Variants in ULK2 observed in about 807,000 individuals in gnomAD.
ULK2 encodes the protein serine/threonine-protein kinase ULK2.
ULK2 carries 76 observed loss-of-function variants against 127.5 expected under a neutral mutation model. The observed-to-expected ratio is 0.60, with a 90% CI of 0.50 to 0.72. The LOEUF (loss-of-function observed/expected upper bound fraction) is 0.72. Among genes scored for constraint, ULK2 ranks in the 30% least tolerant of loss-of-function variants. The pLI, the probability that ULK2 is intolerant of heterozygous loss-of-function variation, is 0.00. For missense variants in ULK2, 1,144 were observed against 1,295.9 expected (o/e 0.88, Z 1.80); for synonymous variants, 452 against 461.9 (o/e 0.98, Z 0.28).
chr17:19,795,690 C>T lies in ULK2; in HGVS notation c.2033G>A (p.Gly678Glu). Residue 678 changes from glycine to glutamate, a missense_variant, in exon 20 of 27, where the codon GGA becomes GAA. Transcript: ENST00000395544. ...VSTGKLSDQQGKTPICRHQGS... is the reference protein window; with the variant it reads ...VSTGKLSDQQEKTPICRHQGS... Reference sequence around the variant, plus strand: ...CTGATGTCGACATATAGGAGTCTTTCCTTGTTGATCTGATAACTTCCCGGT... The same window carrying T: ...CTGATGTCGACATATAGGAGTCTTTTCTTGTTGATCTGATAACTTCCCGGT... 3 of 1,614,036 alleles carry T rather than the reference C, an allele frequency of 1.9e-6. No individual in the cohort carries two copies. The highest frequency in any genetic ancestry group is 2.5e-6 in the Non-Finnish European group (3 of 1,179,994).
intron 3 of ULK2, among the ~76,000 whole-genome samples, chr17:19,857,157 T>C (rs2042151284): frequency 6.6e-6 from 1 of 150,586 alleles, no homozygotes; most frequent in Non-Finnish European, 1.5e-5. Context: ...AATACAGACA[T>C]TAGCCAGGTG....
At chr17:19,795,595 C>T in intron 20 of ULK2, 27 bp downstream of exon 20, 3 of 1,585,698 alleles carry the variant, frequency 1.9e-6, no homozygotes, top group Non-Finnish European at 2.6e-6. Flanking sequence ...AAATTACCTG[C>T]CTAAAAAGAA....
At chr17:19,856,015 C>G (rs1206972811) in intron 3 of ULK2, 1 of 152,092 alleles carries the variant, frequency 6.6e-6, no homozygotes, top group Non-Finnish European at 1.5e-5. Context: ...AGAGTAAGAC[C>G]TCATTTCTAA....
intron 22 of ULK2, among the ~76,000 whole-genome samples, chr17:19,782,330 C>T (rs905157294): frequency 6.6e-6 from 1 of 151,892 alleles, no homozygotes; most frequent in East Asian, 1.9e-4. Flanking sequence ...TGTGCTTTTA[C>T]CAGAAAAAGA....
At chr17:19,852,430 A>T (rs1449409049) in intron 3 of ULK2, among the ~76,000 whole-genome samples, 1 of 148,658 alleles carries the variant, frequency 6.7e-6, no homozygotes, top group Non-Finnish European at 1.5e-5. Context: ...CTGAGGCAGG[A>T]GAATAGTGTG....
intron 6 of ULK2, among the ~76,000 whole-genome samples, 188 bp from the exon 7 acceptor site, chr17:19,845,565 G>A (rs112826484): frequency 8.1e-4 from 123 of 152,230 alleles, no homozygotes; most frequent in African/African-American, 2.7e-3. Flanking sequence ...AGTAGTAATC[G>A]TCAACTGTAC....
chr17:19,838,550 A>G lies in ULK2; in HGVS notation c.738T>C (p.Asn246=), dbSNP rs2041654653. 6.2e-7 allele frequency: 1 copy of G among 1,613,288 alleles called. No individual in the cohort carries two copies. The change falls in exon 10 of 27, where the codon AAT becomes AAC. Residue 246 remains asparagine (N), a synonymous_variant. Coordinates refer to ENST00000395544, the MANE Select transcript of ULK2 (RefSeq NM_014683.4). The stretch of plus-strand genomic sequence containing the variant: ...TTCTCTGAAGCAAACCCAAAAGGAG[A>G]TTAGCCAAATAAGGTGATGTTTCTC... ...IPRETSPYLA[N]LLLGLLQRNQ...
intron 26 of ULK2, among the ~76,000 whole-genome samples, chr17:19,777,292 A>G (rs2086829311): frequency 6.6e-6 from 1 of 152,170 alleles, no homozygotes; most frequent in Admixed American, 6.5e-5. Flanking sequence ...TTTAATAAAG[A>G]CGGGGTTTCG....
chr17:19,792,735 AAAAC>A (rs2087182539), intron 20 of ULK2, among the ~76,000 whole-genome samples: 1 of 151,516 alleles, frequency 6.6e-6, no homozygotes, highest in Admixed American at 6.6e-5. Flanking sequence ...AAAACACAAA[AAAAC>A]AAACAAAAAA....
chr17:19,850,774 G>A lies in ULK2; in HGVS notation c.226-1000C>T, dbSNP rs148511024. On this transcript the variant is annotated intron_variant, in intron 3 of 26. Coordinates refer to ENST00000395544, the MANE Select transcript of ULK2 (RefSeq NM_014683.4). ...TGGGAGGCGGAGCTTGCAGTGAGCCGAGATCATCGAGATCATGCCATTGCA... is the reference window on the plus strand; with the variant it reads ...TGGGAGGCGGAGCTTGCAGTGAGCCAAGATCATCGAGATCATGCCATTGCA... 5.9e-3 allele frequency among the ~76,000 whole-genome samples: 889 copies of A among 151,902 alleles called. 16 individuals are homozygous for A. Among genetic ancestry groups the A allele is most frequent in the African/African-American group, 0.019 (769 of 41,434 alleles).
intron 10 of ULK2, among the ~76,000 whole-genome samples, chr17:19,837,090 C>T (rs995215252): frequency 6.7e-6 from 1 of 149,900 alleles, no homozygotes; most frequent in Non-Finnish European, 1.5e-5. Flanking sequence ...GGCCTTTTCT[C>T]TAATAAAAGA....
intron 14 of ULK2, among the ~76,000 whole-genome samples, chr17:19,807,338 A>G (rs157406): frequency 0.9 from 137,262 of 152,104 alleles, 62,540 homozygotes; most frequent in Non-Finnish European, 0.97. Flanking sequence ...GGAAGCAATC[A>G]GAAGGGTAGA....
chr17:19,815,737 G>C (rs1400839335), intron 13 of ULK2, among the ~76,000 whole-genome samples: 1 of 151,780 alleles, frequency 6.6e-6, no homozygotes, highest in Non-Finnish European at 1.5e-5. Context: ...AATTACTTTT[G>C]GTAAATAAAT....
intron 6 of ULK2, among the ~76,000 whole-genome samples, chr17:19,846,020 G>A (rs1305261067): frequency 6.6e-6 from 1 of 152,138 alleles, no homozygotes; most frequent in Admixed American, 6.5e-5. Flanking sequence ...CAGCTACTTG[G>A]GAGGCTGAGG....
intron 10 of ULK2, among the ~76,000 whole-genome samples, chr17:19,830,870 T>C (rs974156877): frequency 2.6e-5 from 4 of 151,800 alleles, no homozygotes; most frequent in Non-Finnish European, 5.9e-5. Context: ...CTACTAAAAA[T>C]ACAAAAATTA....
At chr17:19,795,844 G>A (rs897932977) in intron 19 of ULK2, 119 bp from the exon 20 acceptor site, 3 of 1,017,460 alleles carry the variant, frequency 2.9e-6, no homozygotes, top group African/African-American at 3.2e-5. Flanking sequence ...TCAGGGTAGA[G>A]ATAAACTTCA....
intron 3 of ULK2, among the ~76,000 whole-genome samples, chr17:19,851,101 TAA>T (rs2042004075): frequency 2.0e-5 from 3 of 146,846 alleles, no homozygotes; most frequent in Admixed American, 6.9e-5. Context: ...TCACCTGAGC[TAA>T]GGAGTTCGAG....
Position 19,791,514 on chromosome 17 carries a change from G to A in ULK2, c.2101+4108C>T, listed in dbSNP as rs1021228845. 7.2e-5 allele frequency among the ~76,000 whole-genome samples: 11 copies of A among 152,036 alleles called. No individual in the cohort carries two copies. The East Asian group carries it at 1.2e-3, about 16-fold the overall frequency. ...AGCCTGGCCAACATGGTGAAACCCC[G>A]TCTCTACTAAAAATACAAAAATTAG... On this transcript the variant is annotated intron_variant, in intron 20 of 26. Coordinates refer to ENST00000395544, the MANE Select transcript of ULK2 (RefSeq NM_014683.4).
chr17:19,781,222 TTTC>T (rs2086912354), intron 23 of ULK2, 118 bp from the exon 24 acceptor site: 2 of 700,954 alleles, frequency 2.9e-6, no homozygotes, highest in Non-Finnish European at 4.6e-6. Flanking sequence ...TCCTCTTTGA[TTTC>T]TTTTCTTCTT....
Sources: allele counts gnomAD v4.1 joint callset (sites outside exome capture counted in the v4.1 genomes callset), GRCh38; gene constraint gnomAD v4.1.1; transcripts MANE v1.5; gene names NCBI Gene and HGNC (gene_info 2026-07-23, HGNC 2026-07-21).